LAMB4: variants seen among roughly 807,000 people sequenced by gnomAD.
The protein encoded by LAMB4 is laminin subunit beta-4.
In LAMB4, 196 loss-of-function variants were observed where a neutral mutation model predicts 199.2. The observed-to-expected ratio is 0.98, with a 90% CI of 0.88 to 1.11. The LOEUF (loss-of-function observed/expected upper bound fraction) is 1.11, where lower values mean the gene tolerates loss of function less well. Ranked by LOEUF, LAMB4 falls within the 50% of genes least tolerant of loss-of-function variation. The pLI is 0.00. For synonymous variants in LAMB4, 744 were observed against 770.6 expected (o/e 0.97, Z 0.57); for missense variants, 2,080 against 2,171.2 (o/e 0.96, Z 0.83).
At chr7:108,079,230 A>G (rs2036830502) in intron 15 of LAMB4, among the ~76,000 whole-genome samples, 2 of 152,228 alleles carry the variant, frequency 1.3e-5, no homozygotes, top group Admixed American at 1.3e-4. Context: ...CTTCTGCTGC[A>G]TCACCTGTGA....
intron 7 of LAMB4, 150 bp from the exon 8 acceptor site, chr7:108,106,181 G>C: frequency 1.5e-6 from 1 of 679,910 alleles, no homozygotes; most frequent in Non-Finnish European, 2.5e-6. Context: ...ACTTTGGGTG[G>C]CCGAGGCAGG....
At chr7:108,041,922 C>A (rs2035435890) in intron 29 of LAMB4, among the ~76,000 whole-genome samples, 1 of 152,132 alleles carries the variant, frequency 6.6e-6, no homozygotes, top group Non-Finnish European at 1.5e-5. Context: ...AGTGAAGTTC[C>A]TTCAATCACT....
At chr7:108,106,957 G>A (rs2038041197) in intron 6 of LAMB4, among the ~76,000 whole-genome samples, 1 of 152,118 alleles carries the variant, frequency 6.6e-6, no homozygotes. Context: ...TTATCATTTG[G>A]GTTAGCATAT....
At chr7:108,067,961 G>A in intron 19 of LAMB4, 55 bp downstream of exon 19, 2 of 1,610,008 alleles carry the variant, frequency 1.2e-6, no homozygotes, top group Non-Finnish European at 1.7e-6. Context: ...TTTGCCTGCT[G>A]TCAAAATGTC....
At chr7:108,033,182 T>C (rs1252493055) in intron 31 of LAMB4, among the ~76,000 whole-genome samples, 1 of 152,198 alleles carries the variant, frequency 6.6e-6, no homozygotes. Context: ...AAATACTTTA[T>C]ACTTTGTGGC....
rs759831307 is a variant in LAMB4, at chr7:108,109,199, C to T, written c.374G>A (p.Arg125Gln). Residue 125 changes from arginine (R) to glutamine (Q), a missense_variant, in exon 5 of 34, where the codon CGG becomes CAG. Coordinates refer to ENST00000388781, the MANE Select transcript of LAMB4 (RefSeq NM_007356.3). ...SIRLDLEALF[R>Q]FSHLILTFKT... ...AAAGGTCAGGATAAGGTGGCTGAAC[C>T]GAAATAATGCCTCTAAGTCCAGTCT... 1.9e-5 allele frequency: 30 copies of T among 1,613,322 alleles called. No homozygotes were observed. Among genetic ancestry groups the T allele is most frequent in the South Asian group, 6.6e-5 (6 of 91,046 alleles).
intron 17 of LAMB4, chr7:108,076,008 C>T (rs1214107523): frequency 6.5e-6 from 1 of 152,970 alleles, no homozygotes; most frequent in African/African-American, 2.4e-5. Context: ...AATATTTTGA[C>T]AAATTATTTC....
intron 10 of LAMB4, among the ~76,000 whole-genome samples, chr7:108,100,134 G>A (rs1379778060): frequency 6.6e-6 from 1 of 152,104 alleles, no homozygotes; most frequent in African/African-American, 2.4e-5. Flanking sequence ...AAGAGATGTG[G>A]GAAGGGTGGA....
the LAMB4 span, among the ~76,000 whole-genome samples, chr7:108,015,748 CTTTTTTTTTT>C: frequency 8.1e-6 from 1 of 123,494 alleles, no homozygotes; most frequent in Admixed American, 8.2e-5. Flanking sequence ...GTTTTGAAGA[CTTTTTTTTTT>C]TTTTTTTTTT....
intron 31 of LAMB4, among the ~76,000 whole-genome samples, chr7:108,031,334 A>AC (rs1353214456): frequency 1.4e-5 from 2 of 142,050 alleles, no homozygotes; most frequent in Non-Finnish European, 3.1e-5. Context: ...ACAATAACAA[A>AC]AAAAAAAAAA....
chr7:108,112,597 T>C (rs2038270483), intron 3 of LAMB4, among the ~76,000 whole-genome samples: 1 of 152,094 alleles, frequency 6.6e-6, no homozygotes, highest in Non-Finnish European at 1.5e-5. Flanking sequence ...CCAGCCTGCT[T>C]AGGATGGATT....
intron 29 of LAMB4, among the ~76,000 whole-genome samples, chr7:108,039,390 G>A (rs555923957): frequency 1.3e-5 from 2 of 151,854 alleles, no homozygotes; most frequent in East Asian, 3.9e-4. Context: ...AATGTGACAA[G>A]AATTTTTTTG....
chr7:108,089,212 A>G (rs1159166023), intron 14 of LAMB4, among the ~76,000 whole-genome samples: 1 of 152,102 alleles, frequency 6.6e-6, no homozygotes, highest in Non-Finnish European at 1.5e-5. Context: ...TGTCTTCTTC[A>G]GTCTCTTTGA....
intron 27 of LAMB4, among the ~76,000 whole-genome samples, chr7:108,048,321 C>G (rs989679991): frequency 3.3e-5 from 5 of 152,052 alleles, no homozygotes; most frequent in South Asian, 2.1e-4. Context: ...CCCACTACCA[C>G]GCCTGGCTAA....
At chr7:108,073,607 A>G (rs17154911) in intron 17 of LAMB4, among the ~76,000 whole-genome samples, 2 of 152,164 alleles carry the variant, frequency 1.3e-5, no homozygotes, top group Non-Finnish European at 2.9e-5. Context: ...GTCCCCTGGT[A>G]TCAGATGCAA....
At chr7:108,122,267 TGTAAGGCAGGTGCA>T (rs2038628097) in intron 2 of LAMB4, among the ~76,000 whole-genome samples, 1 of 152,186 alleles carries the variant, frequency 6.6e-6, no homozygotes, top group African/African-American at 2.4e-5. Flanking sequence ...AAAGAGAACA[TGTAAGGCAGGTGCA>T]GGTTAAAATA....
intron 29 of LAMB4, among the ~76,000 whole-genome samples, chr7:108,038,361 C>A (rs1293598781): frequency 1.3e-5 from 2 of 152,128 alleles, no homozygotes; most frequent in Non-Finnish European, 2.9e-5. Flanking sequence ...TGGGGTTTCA[C>A]CATGTTGGCC....
At chr7:108,030,739 G>T in intron 32 of LAMB4, 67 bp downstream of exon 32, 1 of 1,492,934 alleles carries the variant, frequency 6.7e-7, no homozygotes, top group African/African-American at 1.4e-5. Context: ...AAAATCTGGG[G>T]TTAAAGAACT....
At chr7:108,047,840 T>C (rs535968876) in intron 28 of LAMB4, 68 bp downstream of exon 28, 1 of 1,321,624 alleles carries the variant, frequency 7.6e-7, no homozygotes, top group Admixed American at 1.7e-5. Flanking sequence ...ATGGCAGTTT[T>C]ATAAATTTTA....
Sources: gnomAD v4.1 joint callset for allele counts (sites outside exome capture counted in the v4.1 genomes callset) on GRCh38, gnomAD v4.1.1 for gene constraint, MANE v1.5 for transcripts, NCBI Gene and HGNC (gene_info 2026-07-23, HGNC 2026-07-21) for gene names.